SDCCAG8: variants seen among roughly 807,000 people sequenced by gnomAD.
SDCCAG8 encodes serologically defined colon cancer antigen 8.
Under a neutral mutation model 101.8 loss-of-function variants are expected in SDCCAG8, and 74 were observed. That is an observed-to-expected ratio of 0.73 (90% CI 0.60 to 0.88). SDCCAG8 has a LOEUF of 0.88. SDCCAG8 is among the 40% of genes least tolerant of loss of function. The probability of loss-of-function intolerance (pLI) is 0.00; values close to 1 mark genes in which losing one functional copy is unlikely to be tolerated. For missense variants in SDCCAG8, 787 were observed against 822.6 expected (o/e 0.96, Z 0.53); for synonymous variants, 281 against 292.9 (o/e 0.96, Z 0.41).
chr1:243,396,861 C>A (rs2147959676), intron 13 of SDCCAG8, among the ~76,000 whole-genome samples: 1 of 152,350 alleles, frequency 6.6e-6, no homozygotes, highest in South Asian at 2.1e-4. Flanking sequence ...CACAACAGAA[C>A]TTCATCTTCT....
chr1:243,302,231 G>C (rs180969147), intron 6 of SDCCAG8, among the ~76,000 whole-genome samples: 1 of 152,312 alleles, frequency 6.6e-6, no homozygotes, highest in East Asian at 1.9e-4. Context: ...TTGGGTGACA[G>C]AGTGAGAATC....
At chr1:243,321,916 C>T (rs1046033278) in intron 9 of SDCCAG8, among the ~76,000 whole-genome samples, 2 of 152,208 alleles carry the variant, frequency 1.3e-5, no homozygotes, top group South Asian at 2.1e-4. Context: ...CCCAAAGTGC[C>T]GGGATTACTG....
At chr1:243,332,855 G>GTTATCGTAGTCCAGGTCTGGAGGTGA (rs1558308877) in intron 10 of SDCCAG8, among the ~76,000 whole-genome samples, 14 of 139,186 alleles carry the variant, frequency 1.0e-4, no homozygotes, top group South Asian at 2.5e-4. Flanking sequence ...TCTGGAGGTG[G>GTTATCGTAGTCCAGGTCTGGAGGTGA]TTATCGTAGT....
At chr1:243,286,648 C>T (rs143941525) in intron 5 of SDCCAG8, among the ~76,000 whole-genome samples, 1 of 152,270 alleles carries the variant, frequency 6.6e-6, no homozygotes, top group African/African-American at 2.4e-5. Flanking sequence ...TGGAAAGAGC[C>T]GGTCTGAAAG....
At chr1:243,357,146 G>A (rs1013185742) in intron 12 of SDCCAG8, among the ~76,000 whole-genome samples, 16 of 152,212 alleles carry the variant, frequency 1.1e-4, no homozygotes, top group African/African-American at 3.6e-4. Flanking sequence ...TTGAGAGGCC[G>A]AGGTGGGTGG....
intron 1 of SDCCAG8, among the ~76,000 whole-genome samples, chr1:243,259,109 C>A (rs1350204199): frequency 6.6e-6 from 1 of 152,156 alleles, no homozygotes; most frequent in African/African-American, 2.4e-5. Context: ...TTAAAAAGAT[C>A]TTTTCCTGGG....
At chr1:243,349,884 A>G (rs1220580779) in intron 12 of SDCCAG8, among the ~76,000 whole-genome samples, 2 of 151,370 alleles carry the variant, frequency 1.3e-5, no homozygotes, top group Non-Finnish European at 2.9e-5. Flanking sequence ...AGTTGTGGCT[A>G]CTACTGAGTA....
At chr1:243,428,867 G>T (rs1393212302) in intron 16 of SDCCAG8, among the ~76,000 whole-genome samples, 5 of 152,212 alleles carry the variant, frequency 3.3e-5, no homozygotes, top group African/African-American at 9.7e-5. Flanking sequence ...AGGAGCTCAA[G>T]TATTGTAAGT....
chr1:243,429,226 C>A (rs549102262), intron 16 of SDCCAG8, among the ~76,000 whole-genome samples: 1 of 152,154 alleles, frequency 6.6e-6, no homozygotes, highest in Non-Finnish European at 1.5e-5. Flanking sequence ...TATAACAGTA[C>A]AGTACTGTAA....
chr1:243,346,503 G>A (rs923631658), intron 12 of SDCCAG8, among the ~76,000 whole-genome samples: 1 of 152,216 alleles, frequency 6.6e-6, no homozygotes, highest in Non-Finnish European at 1.5e-5. Context: ...GTGGGAAACT[G>A]TGAGATTGGA....
chr1:243,402,949 T>C (rs1558418635), intron 13 of SDCCAG8, among the ~76,000 whole-genome samples: 1 of 152,206 alleles, frequency 6.6e-6, no homozygotes, highest in African/African-American at 2.4e-5. Context: ...TGATTAAATA[T>C]ACCAGCATCA....
chr1:243,321,408 T>G (rs2073747020), intron 9 of SDCCAG8, among the ~76,000 whole-genome samples: 1 of 147,292 alleles, frequency 6.8e-6, no homozygotes, highest in Non-Finnish European at 1.5e-5. Context: ...TTGTCTGCAG[T>G]GTCTGTTGCT....
At position 243,426,294 on chromosome 1, in the gene SDCCAG8, G is replaced by A. The variant is rs966806488; in HGVS notation, c.1854-133G>A. 3.6e-5 allele frequency: 28 copies of A among 777,796 alleles called. No homozygotes were observed. In the African/African-American group the frequency reaches 4.6e-4, roughly 13 times the overall value. 48.2% of individuals were successfully genotyped at this position (777,796 alleles called of 1,614,324 possible). Reference sequence around the variant, plus strand: ...TGCCATTTCTGAAATATTTTCTTTTGCAAAGGATGTAGTTTTCATTATGCT... The same window carrying A: ...TGCCATTTCTGAAATATTTTCTTTTACAAAGGATGTAGTTTTCATTATGCT... On this transcript the variant is annotated intron_variant, in intron 15 of 17. Transcript: ENST00000366541.
chr1:243,355,602 A>G (rs888350553), intron 12 of SDCCAG8, among the ~76,000 whole-genome samples: 2 of 152,184 alleles, frequency 1.3e-5, no homozygotes, highest in Admixed American at 1.3e-4. Context: ...TTCTTTCTTT[A>G]TGATTAATAT....
chr1:243,417,468 A>C (rs1326330788), intron 14 of SDCCAG8, among the ~76,000 whole-genome samples: 2 of 152,170 alleles, frequency 1.3e-5, no homozygotes, highest in Non-Finnish European at 2.9e-5. Flanking sequence ...TTTTACCTTC[A>C]TAATTAGAGA....
intron 16 of SDCCAG8, among the ~76,000 whole-genome samples, chr1:243,475,439 C>T (rs537838772): frequency 1.3e-5 from 2 of 152,092 alleles, no homozygotes; most frequent in Non-Finnish European, 2.9e-5. Flanking sequence ...GAAGAAGGCC[C>T]CTGCTCCCCC....
chr1:243,443,064 G>T (rs996574762), intron 16 of SDCCAG8, among the ~76,000 whole-genome samples: 2 of 152,146 alleles, frequency 1.3e-5, no homozygotes, highest in African/African-American at 2.4e-5. Context: ...TTTCTAGTCT[G>T]CATTAAACAA....
intron 4 of SDCCAG8, among the ~76,000 whole-genome samples, chr1:243,275,155 A>G (rs2068431773): frequency 6.6e-6 from 1 of 152,200 alleles, no homozygotes; most frequent in Admixed American, 6.5e-5. Context: ...CAAACACATC[A>G]TATATAGCTT....
chr1:243,286,283 T>C lies in SDCCAG8; in HGVS notation c.432T>C (p.Ser144=), dbSNP rs771275385. The C allele has an allele frequency of 6.2e-7, 1 of 1,614,050 alleles. No homozygotes were observed. Among genetic ancestry groups the C allele is most frequent in the East Asian group, 2.2e-5 (1 of 44,870 alleles). Residue 144 remains serine, a synonymous_variant, in exon 5 of 18, where the codon TCT becomes TCC. Transcript: ENST00000366541. ...AEVKFCKEEL[S]GMKNKIQVVV... ...TTTGTTTATTATAGGAGGAACTCTC[T>C]GGAATGAAAAATAAAATACAAGTAG...
Sources: gnomAD v4.1 joint callset for allele counts (sites outside exome capture counted in the v4.1 genomes callset) on GRCh38, gnomAD v4.1.1 for gene constraint, MANE v1.5 for transcripts, NCBI Gene and HGNC (gene_info 2026-07-23, HGNC 2026-07-21) for gene names.